The following NCAM1 variants were observed in gnomAD, a reference collection of about 807,000 sequenced individuals.
NCAM1 encodes the protein antigen recognized by monoclonal antibody 5.1H11.
NCAM1 carries 14 observed loss-of-function variants against 109.8 expected under a neutral mutation model. That is an observed-to-expected ratio of 0.13 (90% CI 0.08 to 0.20). NCAM1 has a LOEUF of 0.20. Ranked by LOEUF, NCAM1 falls within the 10% of genes least tolerant of loss-of-function variation. The probability of loss-of-function intolerance (pLI) is 1.00; values close to 1 mark genes in which losing one functional copy is unlikely to be tolerated. For missense variants in NCAM1, 774 were observed against 1,109.9 expected (o/e 0.70, Z 4.30); for synonymous variants, 418 against 442.9 (o/e 0.94, Z 0.70).
intron 14 of NCAM1, among the ~76,000 whole-genome samples, chr11:113,235,604 A>G (rs991429233): frequency 4.6e-5 from 7 of 152,232 alleles, no homozygotes; most frequent in African/African-American, 1.7e-4. Flanking sequence ...TGCAGCAGAG[A>G]TATTAAGTCA....
intron 1 of NCAM1, among the ~76,000 whole-genome samples, chr11:113,196,508 G>A (rs4938002): frequency 0.025 from 3,753 of 152,270 alleles, 94 homozygotes; most frequent in East Asian, 0.075. Flanking sequence ...TTTGGGAAGC[G>A]TTGTTACTAG....
intron 1 of NCAM1, among the ~76,000 whole-genome samples, chr11:112,984,394 T>C (rs1265515819): frequency 7.2e-5 from 11 of 151,974 alleles, no homozygotes; most frequent in African/African-American, 2.7e-4. Flanking sequence ...TTCATTTCCT[T>C]TGGGTACATA....
chr11:113,092,462 A>T (rs946958041), intron 1 of NCAM1, among the ~76,000 whole-genome samples: 7 of 151,984 alleles, frequency 4.6e-5, no homozygotes, highest in African/African-American at 1.4e-4. Context: ...TGATGATTTT[A>T]TTTTACAGGT....
chr11:113,233,139 C>A lies in NCAM1; in HGVS notation c.1523-8C>A, dbSNP rs1555117620. The A allele has an allele frequency of 2.5e-6, 4 of 1,610,734 alleles. No individual in the cohort carries two copies. In the South Asian group the frequency reaches 3.3e-5, roughly 13 times the overall value. ...TCACCTGAGTCTCCATATGTGTCTT[C>A]CCCACAGACACCCCCTCTTCACCAT... On this transcript the variant is annotated splice_polypyrimidine_tract_variant and splice_region_variant and intron_variant, in intron 12 of 19. Coordinates refer to ENST00000316851, the MANE Select transcript of NCAM1 (RefSeq NM_181351.5). The surrounding 1 kb of genome is among the most constrained non-coding windows in gnomAD (Gnocchi z 4.5).
At chr11:113,214,044 C>T (rs1434480284) in intron 7 of NCAM1, among the ~76,000 whole-genome samples, 1 of 152,212 alleles carries the variant, frequency 6.6e-6, no homozygotes, top group Non-Finnish European at 1.5e-5. Flanking sequence ...GTTCCACCTC[C>T]TGAAAATCTC....
At chr11:113,235,743 G>T (rs1333155346) in intron 14 of NCAM1, among the ~76,000 whole-genome samples, 4 of 152,150 alleles carry the variant, frequency 2.6e-5, no homozygotes, top group Admixed American at 1.3e-4. Flanking sequence ...ATTCCTCACG[G>T]CCTCTTTCAA....
chr11:113,056,371 A>G (rs1953714567), intron 1 of NCAM1, among the ~76,000 whole-genome samples: 2 of 152,094 alleles, frequency 1.3e-5, no homozygotes, highest in African/African-American at 4.8e-5. Flanking sequence ...ATGTATTTCA[A>G]AATAGCTATA....
At chr11:113,031,685 T>G (rs1224716719) in intron 1 of NCAM1, among the ~76,000 whole-genome samples, 1 of 110,676 alleles carries the variant, frequency 9.0e-6, no homozygotes, top group East Asian at 5.8e-4. Context: ...TGAGACTGTC[T>G]CAAAAAAAAA....
intron 1 of NCAM1, among the ~76,000 whole-genome samples, chr11:112,989,018 G>A (rs1428603505): frequency 6.6e-6 from 1 of 152,092 alleles, no homozygotes; most frequent in African/African-American, 2.4e-5. Context: ...AAAGTTTTGG[G>A]ATTACAGACA....
At chr11:113,256,769 T>A (rs1945844893) in intron 16 of NCAM1, among the ~76,000 whole-genome samples, 1 of 150,924 alleles carries the variant, frequency 6.6e-6, no homozygotes, top group Non-Finnish European at 1.5e-5. Context: ...GGTTTTAGAA[T>A]GACACTTGGT....
At position 113,275,502 on chromosome 11, in the gene NCAM1, A is replaced by G. The variant is rs782742932; in HGVS notation, c.*115A>G. 145 of 1,254,456 alleles carry G rather than the reference A, an allele frequency of 1.2e-4. No individual in the cohort carries two copies. Among genetic ancestry groups the G allele is most frequent in the Non-Finnish European group, 1.5e-4 (139 of 911,820 alleles). 77.7% of individuals were successfully genotyped at this position (1,254,456 alleles called of 1,614,324 possible). On this transcript the variant is annotated 3_prime_UTR_variant, in exon 20 of 20. Coordinates refer to ENST00000316851, the MANE Select transcript of NCAM1 (RefSeq NM_181351.5). ...CGCACACACACAAACACACATGCAC[A>G]CACACACATCTCATTTCTCTAGTGT...
chr11:113,278,382 A>ACTT lies in NCAM1; in HGVS notation c.*2996_*2998dup, dbSNP rs1221327944. 9 of 152,194 alleles carry ACTT rather than the reference A, an allele frequency of 5.9e-5. No individual in the cohort carries two copies. Among genetic ancestry groups the ACTT allele is most frequent in the Non-Finnish European group, 1.3e-4 (9 of 68,034 alleles). The allele number at this position is 152,194 out of a possible 1,614,324, so 9.4% of individuals were successfully genotyped here. On this transcript the variant is annotated 3_prime_UTR_variant, in exon 20 of 20. Transcript: ENST00000316851. ...TACTGAGTACTAACTGAGAATTTTG[A>ACTT]CTTTGCATTCTGTCGGAATACTTGT...
At chr11:113,135,612 T>C (rs1430452820) in intron 1 of NCAM1, among the ~76,000 whole-genome samples, 5 of 152,192 alleles carry the variant, frequency 3.3e-5, no homozygotes, top group Non-Finnish European at 7.3e-5. Flanking sequence ...CTTCGAGAGC[T>C]GTTTGGGAGC....
At chr11:113,266,584 T>A (rs1555124441) in intron 17 of NCAM1, among the ~76,000 whole-genome samples, 1 of 152,150 alleles carries the variant, frequency 6.6e-6, no homozygotes, top group Non-Finnish European at 1.5e-5. Flanking sequence ...AAGAATCACC[T>A]GGGCTGCTTG....
chr11:112,997,683 A>G (rs1951632140), intron 1 of NCAM1, among the ~76,000 whole-genome samples: 2 of 152,150 alleles, frequency 1.3e-5, no homozygotes, highest in South Asian at 4.1e-4. Flanking sequence ...AAATGAATGC[A>G]TCAGAGGGAC....
At chr11:113,219,043 G>GA (rs1329122468) in intron 8 of NCAM1, among the ~76,000 whole-genome samples, 2 of 152,124 alleles carry the variant, frequency 1.3e-5, no homozygotes, top group Non-Finnish European at 2.9e-5. Flanking sequence ...ATCCCTGGCA[G>GA]AAAAAATCCA....
rs958323161 is a variant in NCAM1 at position 113,274,997 on chromosome 11, C to A, written c.2457-270C>A. ...GAGGAAAGGACTCGTTCTTCTGACTCAGTGCTTCTCAACTATGGCTGCACA... is the reference window on the plus strand; with the variant it reads ...GAGGAAAGGACTCGTTCTTCTGACTAAGTGCTTCTCAACTATGGCTGCACA... On this transcript the variant is annotated intron_variant, in intron 19 of 19. Transcript: ENST00000316851. The surrounding 1 kb of genome is among the most constrained non-coding windows in gnomAD (Gnocchi z 4.1). Among the ~76,000 whole-genome samples the A allele has an allele frequency of 5.9e-5, 9 of 152,254 alleles. No individual in the cohort carries two copies. The highest frequency in any genetic ancestry group is 5.2e-4 in the Admixed American group (8 of 15,290).
At chr11:113,252,968 T>C (rs6589366) in intron 15 of NCAM1, among the ~76,000 whole-genome samples, 5,268 of 151,924 alleles carry the variant, frequency 0.035, 262 homozygotes, top group African/African-American at 0.12. Flanking sequence ...TTATTTAATA[T>C]AAAATGCTCT....
intron 1 of NCAM1, among the ~76,000 whole-genome samples, chr11:113,120,074 T>C (rs1940892813): frequency 6.6e-6 from 1 of 152,218 alleles, no homozygotes; most frequent in Admixed American, 6.5e-5. Context: ...ATATAGAGTG[T>C]TCTCTCAGTT....
Sources: gnomAD v4.1 joint callset for allele counts (sites outside exome capture counted in the v4.1 genomes callset) on GRCh38, gnomAD v4.1.1 for gene constraint, Gnocchi (gnomAD v3.1) non-coding constraint, MANE v1.5 for transcripts, NCBI Gene and HGNC (gene_info 2026-07-23, HGNC 2026-07-21) for gene names.